Variants in KAT6B observed in about 807,000 individuals in gnomAD.
The protein encoded by KAT6B is histone acetyltransferase KAT6B.
In KAT6B, 10 loss-of-function variants were observed where a neutral mutation model predicts 187.5. The ratio of observed to expected loss-of-function variants is 0.05; its 90% CI spans 0.03 to 0.09. KAT6B has a LOEUF of 0.09. KAT6B is among the 10% of genes least tolerant of loss of function. The pLI, the probability that KAT6B is intolerant of heterozygous loss-of-function variation, is 1.00. For missense variants in KAT6B, 1,952 were observed against 2,558.9 expected, an observed-to-expected ratio of 0.76 and a Z score of 5.12; for synonymous variants, 861 against 926.8, an observed-to-expected ratio of 0.93 and a Z score of 1.29.
intron 3 of KAT6B, among the ~76,000 whole-genome samples, chr10:74,863,562 A>G (rs1018388447): frequency 2.0e-5 from 3 of 152,226 alleles, no homozygotes; most frequent in Admixed American, 6.5e-5. Flanking sequence ...GATAGTACCA[A>G]TTTATACTTA....
At chr10:74,969,942 T>C in intron 5 of KAT6B, 78 bp from the exon 6 acceptor site, 1 of 1,103,710 alleles carries the variant, frequency 9.1e-7, no homozygotes, top group Non-Finnish European at 1.4e-6. Flanking sequence ...GTATTAATGT[T>C]AATCCAGTAA....
intron 4 of KAT6B, among the ~76,000 whole-genome samples, chr10:74,964,471 A>G (rs1308991376): frequency 1.3e-5 from 2 of 151,994 alleles, no homozygotes; most frequent in African/African-American, 2.4e-5. Flanking sequence ...TTCTTTCCAC[A>G]TATTTTTGTT....
At chr10:74,829,708 G>A (rs1012181049) in intron 1 of KAT6B, among the ~76,000 whole-genome samples, 4 of 151,594 alleles carry the variant, frequency 2.6e-5, no homozygotes, top group African/African-American at 7.3e-5. Flanking sequence ...GCCTCCCAGA[G>A]TGCTGGGATT....
intron 1 of KAT6B, among the ~76,000 whole-genome samples, chr10:74,828,465 T>C (rs1226845560): frequency 6.6e-6 from 1 of 151,956 alleles, no homozygotes; most frequent in African/African-American, 2.4e-5. Flanking sequence ...GTGTTTTTTT[T>C]TTTTTAAAGT....
At chr10:74,884,658 T>C (rs1845104298) in intron 3 of KAT6B, among the ~76,000 whole-genome samples, 1 of 152,110 alleles carries the variant, frequency 6.6e-6, no homozygotes, top group African/African-American at 2.4e-5. Context: ...AACACCTGCT[T>C]CCTGGTTTCA....
At chr10:74,978,229 A>G (rs968906992) in intron 9 of KAT6B, among the ~76,000 whole-genome samples, 2 of 152,074 alleles carry the variant, frequency 1.3e-5, no homozygotes, top group East Asian at 1.9e-4. Context: ...GGTATTTCCA[A>G]CCCTCATTCT....
chr10:74,877,054 C>A (rs1387562804), intron 3 of KAT6B, among the ~76,000 whole-genome samples: 2 of 151,600 alleles, frequency 1.3e-5, no homozygotes, highest in African/African-American at 4.8e-5. Context: ...GCAACCTCTA[C>A]CTGCCGGTTC....
chr10:74,965,465 C>T (rs1301816393), intron 4 of KAT6B, among the ~76,000 whole-genome samples: 1 of 152,146 alleles, frequency 6.6e-6, no homozygotes, highest in African/African-American at 2.4e-5. Context: ...CTCACTGTAT[C>T]CAGTGCTCAT....
At chr10:74,972,949 T>C (rs577992458) in intron 7 of KAT6B, among the ~76,000 whole-genome samples, 75 of 152,220 alleles carry the variant, frequency 4.9e-4, no homozygotes, top group Non-Finnish European at 6.9e-4. Context: ...GGCTGAGCAT[T>C]AGAGCTTAAT....
chr10:74,905,545 G>A (rs1249554566), intron 3 of KAT6B, among the ~76,000 whole-genome samples: 1 of 152,094 alleles, frequency 6.6e-6, no homozygotes, highest in East Asian at 1.9e-4. Context: ...AGGTGGGCTT[G>A]GGAATTGGGC....
intron 3 of KAT6B, among the ~76,000 whole-genome samples, chr10:74,905,158 TG>T (rs1487159997): frequency 6.6e-6 from 1 of 152,194 alleles, no homozygotes; most frequent in Non-Finnish European, 1.5e-5. Context: ...TATGGGAATT[TG>T]ACAGTACAAA....
intron 3 of KAT6B, among the ~76,000 whole-genome samples, chr10:74,958,927 A>C (rs1395082282): frequency 1.3e-5 from 2 of 151,718 alleles, no homozygotes; most frequent in African/African-American, 4.8e-5. Flanking sequence ...AGTCCCAGCT[A>C]CTCAGGAGGC....
At chr10:74,894,379 G>A (rs903801753) in intron 3 of KAT6B, among the ~76,000 whole-genome samples, 1 of 152,156 alleles carries the variant, frequency 6.6e-6, no homozygotes, top group East Asian at 1.9e-4. Context: ...ACCGTGCTCG[G>A]CCATGTTGTT....
chr10:74,910,546 T>G (rs867934229), intron 3 of KAT6B, among the ~76,000 whole-genome samples: 20 of 152,148 alleles, frequency 1.3e-4, no homozygotes, highest in African/African-American at 4.6e-4. Flanking sequence ...TTTCTAAACC[T>G]TTTGCTGATG....
chr10:75,021,384 G>A, intron 15 of KAT6B, 99 bp downstream of exon 15: 5 of 1,189,354 alleles, frequency 4.2e-6, no homozygotes, highest in Non-Finnish European at 4.9e-6. Context: ...GCTTGGTTAT[G>A]TAGAGATAGC....
At chr10:74,982,563 T>A (rs1842577623) in intron 11 of KAT6B, 1 of 153,318 alleles carries the variant, frequency 6.5e-6, no homozygotes, top group Non-Finnish European at 1.5e-5. Flanking sequence ...ATAGTTGCAT[T>A]GTTTAATTAT....
At chr10:75,003,749 A>T (rs1053650400) in intron 13 of KAT6B, among the ~76,000 whole-genome samples, 1 of 152,228 alleles carries the variant, frequency 6.6e-6, no homozygotes, top group East Asian at 1.9e-4. Flanking sequence ...TATGCTAAAG[A>T]TAACATCAAG....
chr10:75,018,963 G>A (rs547016964), intron 13 of KAT6B, among the ~76,000 whole-genome samples: 16 of 152,186 alleles, frequency 1.1e-4, no homozygotes, highest in South Asian at 2.1e-4. Context: ...GGCAGGTGAC[G>A]GATGTGCCAA....
At chr10:74,964,555 C>G (rs1841326801) in intron 4 of KAT6B, among the ~76,000 whole-genome samples, 1 of 152,094 alleles carries the variant, frequency 6.6e-6, no homozygotes, top group Non-Finnish European at 1.5e-5. Context: ...TGTTACTTTG[C>G]CTTGTAGCTT....
Sources: allele counts gnomAD v4.1 joint callset (sites outside exome capture counted in the v4.1 genomes callset), GRCh38; gene constraint gnomAD v4.1.1; transcripts MANE v1.5; gene names NCBI Gene and HGNC (gene_info 2026-07-23, HGNC 2026-07-21).